CDC14A: variants seen among roughly 807,000 people sequenced by gnomAD.
The protein encoded by CDC14A is dual specificity protein phosphatase CDC14A.
CDC14A carries 53 observed loss-of-function variants against 74.4 expected under a neutral mutation model. That is an observed-to-expected ratio of 0.71 (90% CI 0.57 to 0.89). The LOEUF (loss-of-function observed/expected upper bound fraction) is 0.89. Among genes scored for constraint, CDC14A ranks in the 40% least tolerant of loss-of-function variants. The pLI, the probability that CDC14A is intolerant of heterozygous loss-of-function variation, is 0.00. For synonymous variants in CDC14A, 247 were observed against 258.4 expected (o/e 0.96, Z 0.43); for missense variants, 646 against 713.7 (o/e 0.91, Z 1.08).
intron 15 of CDC14A, among the ~76,000 whole-genome samples, chr1:100,516,682 A>G (rs538681062): frequency 6.6e-6 from 1 of 152,218 alleles, no homozygotes; most frequent in African/African-American, 2.4e-5. Flanking sequence ...AAAAATGTTT[A>G]TGCTCTAATT....
chr1:100,359,428 A>G (rs993703348), intron 2 of CDC14A, among the ~76,000 whole-genome samples: 1 of 152,156 alleles, frequency 6.6e-6, no homozygotes, highest in African/African-American at 2.4e-5. Flanking sequence ...ACTGATGCCA[A>G]TGGGGAGGGT....
At chr1:100,517,431 T>G (rs1224440630) in intron 15 of CDC14A, among the ~76,000 whole-genome samples, 3 of 152,186 alleles carry the variant, frequency 2.0e-5, no homozygotes, top group Admixed American at 6.5e-5. Flanking sequence ...AGCAAAAAAT[T>G]TGTTAATGTT....
At chr1:100,387,109 A>G (rs1242914225) in intron 3 of CDC14A, among the ~76,000 whole-genome samples, 1 of 152,128 alleles carries the variant, frequency 6.6e-6, no homozygotes, top group Non-Finnish European at 1.5e-5. Context: ...CCAATACCAA[A>G]GTATCTTCTC....
Position 100,462,815 on chromosome 1 carries a change from A to G in CDC14A, c.772A>G (p.Asn258Asp). The G allele has an allele frequency of 6.2e-7, 1 of 1,614,136 alleles. No homozygotes were observed. The highest frequency in any genetic ancestry group is 2.2e-5 in the East Asian group (1 of 44,872). The change falls in exon 9 of 16, where the codon AAC becomes GAC. Residue 258 changes from asparagine (N) to aspartate (D), a missense_variant. Coordinates refer to ENST00000336454, the MANE Select transcript of CDC14A (RefSeq NM_003672.4). Reference sequence around the variant, plus strand: ...CATAGATGGCAGCACACCCAGTGACAACATCGTGCGAAGGTTCCTGAACAT... The same window carrying G: ...CATAGATGGCAGCACACCCAGTGACGACATCGTGCGAAGGTTCCTGAACAT... The part of the protein sequence containing the change: ...FFIDGSTPSD[N>D]IVRRFLNICE...
chr1:100,435,143 A>G (rs918973847), intron 5 of CDC14A, among the ~76,000 whole-genome samples: 3 of 152,158 alleles, frequency 2.0e-5, no homozygotes, highest in Admixed American at 2.0e-4. Context: ...ATGGAGTGAG[A>G]AGAATTTTGG....
In CDC14A at chr1:100,420,063, C is replaced by CACACACATATATATATATATATATATAT; in HGVS notation, c.310-4158_310-4157insCACACATATATATATATATATATATATA. Among the ~76,000 whole-genome samples the CACACACATATATATATATATATATATAT allele has an allele frequency of 6.0e-4, 37 of 61,586 alleles. 2 individuals carry two copies. Among genetic ancestry groups the CACACACATATATATATATATATATATAT allele is most frequent in the Non-Finnish European group, 9.2e-4 (24 of 26,150 alleles). The allele number at this position is 61,586 out of a possible 152,430, so 40.4% of individuals were successfully genotyped here. On this transcript the variant is annotated intron_variant, in intron 4 of 15. Coordinates refer to ENST00000336454, the MANE Select transcript of CDC14A (RefSeq NM_003672.4). ...ACACACACACACACACACACACACA[C>CACACACATATATATATATATATATATAT]ATATATATATATATATATAGTGTGT...
chr1:100,425,954 C>A (rs766187367), intron 5 of CDC14A, among the ~76,000 whole-genome samples: 4 of 152,098 alleles, frequency 2.6e-5, no homozygotes, highest in Non-Finnish European at 5.9e-5. Context: ...GTATCTCGGA[C>A]AAATTACTTA....
intron 4 of CDC14A, among the ~76,000 whole-genome samples, chr1:100,411,455 A>G (rs1044240130): frequency 1.6e-4 from 25 of 151,864 alleles, no homozygotes; most frequent in African/African-American, 5.1e-4. Flanking sequence ...GGAATCTCCT[A>G]TTGGTTTGTT....
chr1:100,493,458 G>A (rs1454094069), intron 11 of CDC14A, among the ~76,000 whole-genome samples: 1 of 152,230 alleles, frequency 6.6e-6, no homozygotes. Flanking sequence ...AGACCTTCCT[G>A]ATTTCTGTTC....
chr1:100,420,111 G>T (rs1662179491), intron 4 of CDC14A, among the ~76,000 whole-genome samples: 11 of 92,970 alleles, frequency 1.2e-4, no homozygotes, highest in South Asian at 3.6e-4. Context: ...GTTATGCTTT[G>T]CTGAAAAGGT....
At chr1:100,375,750 A>G (rs971718220) in intron 2 of CDC14A, among the ~76,000 whole-genome samples, 1 of 152,232 alleles carries the variant, frequency 6.6e-6, no homozygotes, top group African/African-American at 2.4e-5. Context: ...CGATTCCTCA[A>G]GGATCTAGAA....
intron 11 of CDC14A, among the ~76,000 whole-genome samples, chr1:100,490,000 C>G (rs1319092454): frequency 6.6e-6 from 1 of 152,202 alleles, no homozygotes; most frequent in African/African-American, 2.4e-5. Context: ...CTTTAGTCAT[C>G]ATGAAGAATG....
chr1:100,365,369 T>C (rs1653422338), intron 2 of CDC14A, among the ~76,000 whole-genome samples: 1 of 152,180 alleles, frequency 6.6e-6, no homozygotes. Context: ...TGAGAAACAT[T>C]TGAACAGTTG....
chr1:100,516,668 G>A (rs1323222861), intron 15 of CDC14A, among the ~76,000 whole-genome samples: 1 of 152,062 alleles, frequency 6.6e-6, no homozygotes, highest in African/African-American at 2.4e-5. Flanking sequence ...GAAAAAGCAG[G>A]TAGAAAAATG....
rs1650494074 is a variant in CDC14A, at chr1:100,519,242, A to C, written c.*962A>C. On this transcript the variant is annotated 3_prime_UTR_variant, in exon 16 of 16. Coordinates refer to ENST00000336454, the MANE Select transcript of CDC14A (RefSeq NM_003672.4). ...ATCAGTTTTAAATCAATGGAGAGAA[A>C]AAACTGAAAAAGATGCTGCTAAGTA... 1 of 152,140 alleles carries C rather than the reference A, an allele frequency of 6.6e-6. No homozygotes were observed. The highest frequency in any genetic ancestry group is 1.5e-5 in the Non-Finnish European group (1 of 68,002). 9.4% of individuals were successfully genotyped at this position (152,140 alleles called of 1,614,324 possible). A position where few individuals can be genotyped will look rare whatever the true frequency, so the allele number is the denominator to read the frequency against.
chr1:100,434,185 T>C (rs1368396387), intron 5 of CDC14A, among the ~76,000 whole-genome samples: 1 of 152,216 alleles, frequency 6.6e-6, no homozygotes, highest in Non-Finnish European at 1.5e-5. Context: ...GTATAATAGC[T>C]GTATAGTTCA....
intron 1 of CDC14A, among the ~76,000 whole-genome samples, chr1:100,345,407 A>C (rs1650328519): frequency 6.6e-6 from 1 of 152,184 alleles, no homozygotes; most frequent in South Asian, 2.1e-4. Flanking sequence ...GCATCTCAGC[A>C]TGACACTCTC....
chr1:100,515,566 G>A (rs1025428773), intron 15 of CDC14A, among the ~76,000 whole-genome samples: 1 of 151,958 alleles, frequency 6.6e-6, no homozygotes, highest in African/African-American at 2.4e-5. Flanking sequence ...TGTAGTTTTA[G>A]TGGTGATGGA....
intron 1 of CDC14A, 145 bp downstream of exon 1, chr1:100,353,148 C>T (rs1651354269): frequency 7.3e-6 from 6 of 821,722 alleles, no homozygotes; most frequent in Non-Finnish European, 1.0e-5. Context: ...ACTCTCCTTT[C>T]TCCGAGGACC....
Sources: gnomAD v4.1 joint callset for allele counts (sites outside exome capture counted in the v4.1 genomes callset) on GRCh38, gnomAD v4.1.1 for gene constraint, MANE v1.5 for transcripts, NCBI Gene and HGNC (gene_info 2026-07-23, HGNC 2026-07-21) for gene names.